AFDN: variants seen among roughly 807,000 people sequenced by gnomAD.
AFDN encodes afadin, adherens junction formation factor, also known as afadin.
AFDN carries 68 observed loss-of-function variants against 216.6 expected under a neutral mutation model. That is an observed-to-expected ratio of 0.31 (90% confidence interval 0.26 to 0.38). The LOEUF (loss-of-function observed/expected upper bound fraction) is 0.38, where lower values mean the gene tolerates loss of function less well. AFDN is among the 10% of genes least tolerant of loss of function. AFDN has a pLI of 1.00. For missense variants in AFDN, 2,136 were observed against 2,342.0 expected, an observed-to-expected ratio of 0.91 and a Z score of 1.82; for synonymous variants, 868 against 853.7, an observed-to-expected ratio of 1.02 and a Z score of -0.29.
rs116813413 is a variant in AFDN, at chr6:167,960,770, A to G, written c.4834-1663A>G. Among the ~76,000 whole-genome samples, 588 of 152,032 alleles carry G rather than the reference A, an allele frequency of 3.9e-3. 3 individuals are homozygous for G. The highest frequency in any genetic ancestry group is 0.013 in the African/African-American group (551 of 41,460). ...TGGGGAGCTGTGGCTGGTTCTGTCA[A>G]CTCAAGGGCAAGGCGTCACCGACGG... On this transcript the variant is annotated intron_variant, in intron 30 of 33. Transcript: ENST00000683244.
At chr6:167,870,882 A>G (rs977319815) in intron 3 of AFDN, among the ~76,000 whole-genome samples, 2 of 152,160 alleles carry the variant, frequency 1.3e-5, no homozygotes, top group African/African-American at 4.8e-5. Flanking sequence ...AACTTTGGTC[A>G]TTTAAAACGT....
chr6:167,909,386 A>G (rs1790106257), intron 13 of AFDN, among the ~76,000 whole-genome samples: 1 of 151,820 alleles, frequency 6.6e-6, no homozygotes, highest in Non-Finnish European at 1.5e-5. Flanking sequence ...GTGAGGATGG[A>G]GGGAAGAGAA....
chr6:167,884,035 A>G (rs1786475926), intron 6 of AFDN, among the ~76,000 whole-genome samples: 2 of 152,226 alleles, frequency 1.3e-5, no homozygotes, highest in Non-Finnish European at 1.5e-5. Flanking sequence ...TTTCATTTCA[A>G]CAGTGTTCAC....
intron 23 of AFDN, among the ~76,000 whole-genome samples, chr6:167,937,473 C>G (rs1306926536): frequency 6.6e-6 from 1 of 152,090 alleles, no homozygotes; most frequent in Admixed American, 6.5e-5. Flanking sequence ...GTTGTGAACT[C>G]TTGGCCTCAA....
At chr6:167,927,385 A>G (rs1279116295) in intron 23 of AFDN, among the ~76,000 whole-genome samples, 3 of 152,232 alleles carry the variant, frequency 2.0e-5, no homozygotes, top group African/African-American at 7.2e-5. Context: ...GGAGAGCAGA[A>G]TAAGGAAGGC....
Position 167,969,915 on chromosome 6 carries a change from A to C in AFDN, c.5476A>C (p.Asn1826His). Residue 1826 changes from asparagine to histidine, a missense_variant, in exon 34 of 34, where the codon AAT becomes CAT. Physicochemically the swap from Asn to His is moderately conservative, Grantham distance 68. Coordinates refer to ENST00000683244, the MANE Select transcript of AFDN (RefSeq NM_001386888.1). ...KASRKLTELE[N>H]ELNTK ...TTCTCGTAAATTAACAGAACTGGAG[A>C]ATGAACTGAACACAAAGTGAAAGAA... 6.2e-7 allele frequency: 1 copy of C among 1,609,626 alleles called. No homozygotes were observed.
chr6:167,898,227 C>A lies in AFDN; in HGVS notation c.1340C>A (p.Pro447His), dbSNP rs1331265459. 1 of 1,613,910 alleles carries A rather than the reference C, an allele frequency of 6.2e-7. No individual in the cohort carries two copies. Among genetic ancestry groups the A allele is most frequent in the Admixed American group, 1.7e-5 (1 of 59,992 alleles). The change falls in exon 11 of 34, where the codon CCC becomes CAC. Residue 447 changes from proline to histidine, a missense_variant. Transcript: ENST00000683244. ...SIQLFGPGIQ[P>H]HHCDLTNMDG... ...CAGTTGTTTGGCCCAGGAATTCAGC[C>A]CCATCACTGTGACCTTACCAACATG...
chr6:167,852,142 C>G lies in AFDN; in HGVS notation c.106-12409C>G, dbSNP rs146019410. ...AAATTCAACCATCATGCAATAATCT[C>G]ATTAACAAAATTAGCCAGAATTCTT... On this transcript the variant is annotated intron_variant, in intron 1 of 33. Transcript: ENST00000683244. Among the ~76,000 whole-genome samples, 172 of 152,294 alleles carry G rather than the reference C, an allele frequency of 1.1e-3. 2 individuals carry two copies. The highest frequency in any genetic ancestry group is 4.1e-3 in the African/African-American group (171 of 41,572).
chr6:167,878,584 C>G (rs562175129), intron 5 of AFDN, among the ~76,000 whole-genome samples: 1 of 132,064 alleles, frequency 7.6e-6, no homozygotes, highest in Non-Finnish European at 1.7e-5. Flanking sequence ...GCACACACAC[C>G]CACTCTCTCT....
At chr6:167,923,327 A>T (rs1792062206) in intron 22 of AFDN, 1 of 155,474 alleles carries the variant, frequency 6.4e-6, no homozygotes, top group Admixed American at 6.5e-5. Flanking sequence ...CCTTGTCTTA[A>T]ATATATATCA....
In AFDN at chr6:167,962,420, A is replaced by G. The variant is rs1171763471; in HGVS notation, c.4834-13A>G. On this transcript the variant is annotated splice_polypyrimidine_tract_variant and intron_variant, in intron 30 of 33. Transcript: ENST00000683244. This position sits in a 1 kb window ranked among gnomAD's most constrained non-coding sequence, Gnocchi z 5.2. The stretch of plus-strand genomic sequence containing the variant: ...GAGTTTGTGGAGGGAGATTAATGTC[A>G]GCCTGTTGTTAGTTGCAGGACGAGG... 6.2e-7 allele frequency: 1 copy of G among 1,613,134 alleles called. No individual in the cohort carries two copies. Among genetic ancestry groups the G allele is most frequent in the African/African-American group, 1.3e-5 (1 of 74,874 alleles).
chr6:167,970,954 G>A lies in AFDN; in HGVS notation c.*1019G>A, dbSNP rs1797981231. 2 of 212,360 alleles carry A rather than the reference G, an allele frequency of 9.4e-6. No individual in the cohort carries two copies. The highest frequency in any genetic ancestry group is 1.9e-4 in the South Asian group (1 of 5,356). 13.2% of individuals were successfully genotyped at this position (212,360 alleles called of 1,614,324 possible). A position where few individuals can be genotyped will look rare whatever the true frequency, so the allele number is the denominator to read the frequency against. ...GGCATCTGTAACTTAAATATTGTAAGAATAACTCATATGGAAGTTCAAGCT... is the reference window on the plus strand; with the variant it reads ...GGCATCTGTAACTTAAATATTGTAAAAATAACTCATATGGAAGTTCAAGCT... On this transcript the variant is annotated 3_prime_UTR_variant, in exon 34 of 34. Coordinates refer to ENST00000683244, the MANE Select transcript of AFDN (RefSeq NM_001386888.1).
chr6:167,854,270 C>A (rs367808625), intron 1 of AFDN, among the ~76,000 whole-genome samples: 15 of 151,934 alleles, frequency 9.9e-5, no homozygotes, highest in African/African-American at 3.6e-4. Flanking sequence ...TTTGGGTGCC[C>A]ATTTTTCTAT....
At chr6:167,905,284 G>A (rs769012319) in intron 12 of AFDN, among the ~76,000 whole-genome samples, 9 of 152,124 alleles carry the variant, frequency 5.9e-5, no homozygotes, top group South Asian at 4.2e-4. Flanking sequence ...TGTTTCATAC[G>A]TCATTGCTGT....
rs1789817536 is a variant in AFDN at position 167,907,231 on chromosome 6, A to G, written c.1711A>G (p.Met571Val). The change falls in exon 13 of 34, where the codon ATG becomes GTG. Residue 571 changes from methionine (M) to valine (V), a missense_variant. Transcript: ENST00000683244. ...SSASSTAERG[M>V]VKPMIRVEQQ... is the part of the protein sequence containing the mutation. ...TGCCTCTAGCACAGCCGAGCGGGGAATGGTGAAGCCGATGATCAGAGTAGA... is the reference window on the plus strand; with the variant it reads ...TGCCTCTAGCACAGCCGAGCGGGGAGTGGTGAAGCCGATGATCAGAGTAGA... 1 of 1,614,226 alleles carries G rather than the reference A, an allele frequency of 6.2e-7. No homozygotes were observed. The highest frequency in any genetic ancestry group is 8.5e-7 in the Non-Finnish European group (1 of 1,180,014).
At chr6:167,870,600 C>A in intron 3 of AFDN, 102 bp downstream of exon 3, 1 of 637,746 alleles carries the variant, frequency 1.6e-6, no homozygotes, top group Admixed American at 2.9e-5. Context: ...CTCTTTTTTG[C>A]TTCTCTTTAT....
chr6:167,969,627 A>G (rs966968146), intron 33 of AFDN, among the ~76,000 whole-genome samples, 155 bp from the exon 34 acceptor site: 3 of 152,222 alleles, frequency 2.0e-5, no homozygotes, highest in African/African-American at 7.2e-5. Context: ...ATGGGTTTAA[A>G]TACAGCCCCT....
chr6:167,943,776 A>G (rs1794965497), intron 25 of AFDN, among the ~76,000 whole-genome samples, 165 bp from the exon 26 acceptor site: 1 of 152,214 alleles, frequency 6.6e-6, no homozygotes, highest in Non-Finnish European at 1.5e-5. Context: ...CAGTTTTCAA[A>G]GGAGAAAATG....
At position 167,951,438 on chromosome 6, in the gene AFDN, G is replaced by A. The variant is rs1236617959; in HGVS notation, c.4084G>A (p.Ala1362Thr). The A allele has an allele frequency of 6.2e-7, 1 of 1,614,070 alleles. No individual in the cohort carries two copies. Among genetic ancestry groups the A allele is most frequent in the Non-Finnish European group, 8.5e-7 (1 of 1,180,030 alleles). ...TPAAIPATPVAVSQPIRTDLP... is the reference protein window; with the variant it reads ...TPAAIPATPVTVSQPIRTDLP... The stretch of plus-strand genomic sequence containing the variant: ...AGCAGCCATACCGGCCACCCCTGTG[G>A]CCGTCTCCCAGCCAATCCGAACAGA... Residue 1362 changes from alanine to threonine, a missense_variant, in exon 30 of 34, where the codon GCC becomes ACC. Ala to Thr is a moderately conservative substitution (Grantham distance 58). This residue lies in a region of AFDN where 981 missense variants were observed against 966.0 expected (regional missense o/e 1.02). Transcript: ENST00000683244. This position sits in a 1 kb window ranked among gnomAD's most constrained non-coding sequence, Gnocchi z 7.1.
Sources: allele counts gnomAD v4.1 joint callset (sites outside exome capture counted in the v4.1 genomes callset), GRCh38; gene constraint gnomAD v4.1.1; regional missense constraint gnomAD v4.1.1; non-coding constraint Gnocchi (gnomAD v3.1); transcripts MANE v1.5; gene names NCBI Gene and HGNC (gene_info 2026-07-23, HGNC 2026-07-21).